Variants in SPTBN1 observed in about 807,000 individuals in gnomAD.
The protein encoded by SPTBN1 is spectrin beta, non-erythrocytic 1.
Under a neutral mutation model 266.4 loss-of-function variants are expected in SPTBN1, and 32 were observed. The observed-to-expected ratio is 0.12, with a 90% CI of 0.09 to 0.16. The LOEUF (loss-of-function observed/expected upper bound fraction) is 0.16. Ranked by LOEUF, SPTBN1 falls within the 10% of genes least tolerant of loss-of-function variation. The pLI, the probability that SPTBN1 is intolerant of heterozygous loss-of-function variation, is 1.00. For synonymous variants in SPTBN1, 1,336 were observed against 1,162.2 expected, an observed-to-expected ratio of 1.15 and a Z score of -3.04; for missense variants, 2,296 against 3,067.1, an observed-to-expected ratio of 0.75 and a Z score of 5.94.
chr2:54,503,017 G>GGCT (rs1669354638), intron 1 of SPTBN1, among the ~76,000 whole-genome samples: 2 of 152,280 alleles, frequency 1.3e-5, no homozygotes, highest in South Asian at 4.2e-4. Flanking sequence ...GTGGCTTGGG[G>GGCT]GCTTCCCTGA....
chr2:54,662,081 A>T (rs1020540559), intron 32 of SPTBN1: 1 of 985,424 alleles, frequency 1.0e-6, no homozygotes, highest in Non-Finnish European at 1.2e-6. Flanking sequence ...CGTTGCATTC[A>T]TGTTCACCTC....
At chr2:54,543,326 T>A (rs1672044716) in intron 2 of SPTBN1, among the ~76,000 whole-genome samples, 1 of 152,218 alleles carries the variant, frequency 6.6e-6, no homozygotes, top group Non-Finnish European at 1.5e-5. Flanking sequence ...AAGTGTTAAT[T>A]ATAACATTTC....
At chr2:54,485,525 T>A (rs1668316929) in intron 1 of SPTBN1, among the ~76,000 whole-genome samples, 1 of 152,192 alleles carries the variant, frequency 6.6e-6, no homozygotes, top group South Asian at 2.1e-4. Context: ...TGCAGTGGCG[T>A]GATCTCGGCT....
intron 1 of SPTBN1, among the ~76,000 whole-genome samples, chr2:54,474,454 T>C (rs1212509136): frequency 6.6e-6 from 1 of 152,148 alleles, no homozygotes; most frequent in African/African-American, 2.4e-5. Context: ...TTAACCCTTC[T>C]CGGTCTCAGT....
chr2:54,646,659 C>T lies in SPTBN1; in HGVS notation c.4866+184C>T, dbSNP rs1679945831. 6.6e-6 allele frequency among the ~76,000 whole-genome samples: 1 copy of T among 152,228 alleles called. No individual in the cohort carries two copies. Among genetic ancestry groups the T allele is most frequent in the South Asian group, 2.1e-4 (1 of 4,832 alleles). ...TGGTTTCCCTTTGGTGCAGCATTTTCTTATCTGAATCCTAGTGTGCCATTA... is the reference window on the plus strand; with the variant it reads ...TGGTTTCCCTTTGGTGCAGCATTTTTTTATCTGAATCCTAGTGTGCCATTA... On this transcript the variant is annotated intron_variant, in intron 23 of 35. Transcript: ENST00000356805. The surrounding 1 kb of genome is among the most constrained non-coding windows in gnomAD (Gnocchi z 4.4).
At chr2:54,605,084 A>C (rs1417640157) in intron 3 of SPTBN1, among the ~76,000 whole-genome samples, 1 of 152,176 alleles carries the variant, frequency 6.6e-6, no homozygotes, top group African/African-American at 2.4e-5. Context: ...TCCTTTGCAG[A>C]ATTAGCTGCT....
At chr2:54,629,836 T>TC (rs749915206) in intron 14 of SPTBN1, 33 bp downstream of exon 14, 2 of 1,612,580 alleles carry the variant, frequency 1.2e-6, no homozygotes, top group South Asian at 1.1e-5. Context: ...ACTGGCCTGT[T>TC]CCTTGTGACC....
At chr2:54,608,740 A>G (rs1677021892) in intron 3 of SPTBN1, among the ~76,000 whole-genome samples, 1 of 151,836 alleles carries the variant, frequency 6.6e-6, no homozygotes, top group African/African-American at 2.4e-5. Flanking sequence ...TCCTTGAACA[A>G]AGCAGGGGGT....
At chr2:54,627,096 A>G (rs1678390257) in intron 12 of SPTBN1, among the ~76,000 whole-genome samples, 1 of 151,740 alleles carries the variant, frequency 6.6e-6, no homozygotes, top group East Asian at 1.9e-4. Context: ...TATGCAAGAG[A>G]TTCCCTTCCC....
intron 2 of SPTBN1, among the ~76,000 whole-genome samples, chr2:54,584,441 A>G (rs1209681275): frequency 1.3e-5 from 2 of 152,250 alleles, no homozygotes; most frequent in Non-Finnish European, 2.9e-5. Context: ...GAGGAAATAC[A>G]TACTATAAAT....
chr2:54,601,006 A>G (rs1031479022), intron 3 of SPTBN1, among the ~76,000 whole-genome samples: 11 of 152,102 alleles, frequency 7.2e-5, no homozygotes, highest in Admixed American at 5.9e-4. Context: ...AGAAAAATAT[A>G]AGTAGGGAGA....
chr2:54,622,658 G>T (rs549455498), intron 9 of SPTBN1, among the ~76,000 whole-genome samples, 171 bp downstream of exon 9: 61 of 152,290 alleles, frequency 4.0e-4, no homozygotes, highest in Non-Finnish European at 7.3e-4. Flanking sequence ...GATAGATCAT[G>T]CTCTCTCTGA....
rs185744320 is a variant in SPTBN1 at position 54,597,562 on chromosome 2, G to A, written c.149-1530G>A. Among the ~76,000 whole-genome samples, 210 of 152,342 alleles carry A rather than the reference G, an allele frequency of 1.4e-3. 4 individuals are homozygous for A. In the South Asian group the frequency reaches 0.036, roughly 26 times the overall value. ...GCAGGACCTCAAGGAGCCGCTGACT[G>A]TAGCAGGTGGCCGGGGATCTTGGCA... On this transcript the variant is annotated intron_variant, in intron 2 of 35. Transcript: ENST00000356805.
intron 2 of SPTBN1, among the ~76,000 whole-genome samples, chr2:54,579,515 G>A (rs1374487704): frequency 3.9e-5 from 6 of 152,166 alleles, no homozygotes; most frequent in Middle Eastern, 3.2e-3. Flanking sequence ...ATTAGCGCAC[G>A]TGCTATATAG....
At chr2:54,576,288 A>G (rs1674472997) in intron 2 of SPTBN1, among the ~76,000 whole-genome samples, 1 of 151,940 alleles carries the variant, frequency 6.6e-6, no homozygotes, top group African/African-American at 2.4e-5. Context: ...TCCTAACCTC[A>G]GGTGATCCAC....
intron 2 of SPTBN1, among the ~76,000 whole-genome samples, chr2:54,566,809 C>G (rs560605497): frequency 6.6e-6 from 1 of 151,682 alleles, no homozygotes; most frequent in South Asian, 2.1e-4. Flanking sequence ...CCAGCCTGGG[C>G]GTCAGAGTGA....
rs145299236 is a variant in SPTBN1 at position 54,526,673 on chromosome 2, C to T, written c.148+107C>T. The T allele has an allele frequency of 4.9e-5, 66 of 1,349,624 alleles. No homozygotes were observed. The African/African-American group carries it at 7.9e-4, about 16-fold the overall frequency. The allele number at this position is 1,349,624 out of a possible 1,614,324, so 83.6% of individuals were successfully genotyped here. A position where few individuals can be genotyped will look rare whatever the true frequency, so the allele number is the denominator to read the frequency against. On this transcript the variant is annotated intron_variant, in intron 2 of 35. Transcript: ENST00000356805. ...ACGCTGTCATGTTCGAAGGTTGTCTCACTTCTATTTAAATGTGTCCTTGAG... is the reference window on the plus strand; with the variant it reads ...ACGCTGTCATGTTCGAAGGTTGTCTTACTTCTATTTAAATGTGTCCTTGAG...
At chr2:54,663,505 C>G (rs900707798) in intron 32 of SPTBN1, 1 of 152,156 alleles carries the variant, frequency 6.6e-6, no homozygotes, top group African/African-American at 2.4e-5. Flanking sequence ...TTTCCAAAGC[C>G]GAAAAGCCAT....
In SPTBN1 at chr2:54,504,631, G is replaced by A. The variant is rs535684823; in HGVS notation, c.-47-21741G>A. 3.9e-5 allele frequency among the ~76,000 whole-genome samples: 6 copies of A among 152,214 alleles called. No individual in the cohort carries two copies. In the East Asian group the frequency reaches 5.8e-4, roughly 15 times the overall value. Reference sequence around the variant, plus strand: ...TAAAGTATTTGAGAGGATGTGTGTCGGTTTTATACAAATACTACACCATTT... The same window carrying A: ...TAAAGTATTTGAGAGGATGTGTGTCAGTTTTATACAAATACTACACCATTT... On this transcript the variant is annotated intron_variant, in intron 1 of 35. Coordinates refer to ENST00000356805, the MANE Select transcript of SPTBN1 (RefSeq NM_003128.3).
Sources: allele counts gnomAD v4.1 joint callset (sites outside exome capture counted in the v4.1 genomes callset), GRCh38; gene constraint gnomAD v4.1.1; non-coding constraint Gnocchi (gnomAD v3.1); transcripts MANE v1.5; gene names NCBI Gene and HGNC (gene_info 2026-07-23, HGNC 2026-07-21).